The following PAK5 variants were observed in gnomAD, a reference collection of about 807,000 sequenced individuals.
PAK5 encodes serine/threonine-protein kinase PAK 5.
PAK5 carries 16 observed loss-of-function variants against 65.9 expected under a neutral mutation model. The observed-to-expected ratio is 0.24, with a 90% confidence interval of 0.16 to 0.37. PAK5 has a LOEUF of 0.37. Among genes scored for constraint, PAK5 ranks in the 10% least tolerant of loss-of-function variants. The pLI is 1.00. For synonymous variants in PAK5, 371 were observed against 354.9 expected (o/e 1.05, Z -0.51); for missense variants, 785 against 903.9 (o/e 0.87, Z 1.69).
At chr20:9,560,972 G>A (rs1407207269) in intron 6 of PAK5, among the ~76,000 whole-genome samples, 1 of 152,174 alleles carries the variant, frequency 6.6e-6, no homozygotes, top group African/African-American at 2.4e-5. Flanking sequence ...AAGCTCCCAG[G>A]TCCTCAGACA....
intron 1 of PAK5, among the ~76,000 whole-genome samples, chr20:9,808,126 C>A (rs1458524378): frequency 1.3e-5 from 2 of 152,096 alleles, no homozygotes; most frequent in Non-Finnish European, 2.9e-5. Context: ...AATGTATTAG[C>A]ACTTTGTGTG....
rs1328403185 is a variant in PAK5, at chr20:9,542,611, G to C, written c.1979C>G (p.Pro660Arg). ...CTTGTGTAGGTCCTTCACTCTTGGA[G>C]GTAAACTGTCCCGGATCCTCCGCAT... ...QAMRRIRDSLPPRVKDLHKVS... is the reference protein window; with the variant it reads ...QAMRRIRDSLRPRVKDLHKVS... Residue 660 changes from proline (P) to arginine (R), a missense_variant, in exon 9 of 10, where the codon CCT becomes CGT. This residue lies in a region of PAK5 where 110 missense variants were observed against 107.4 expected (regional missense o/e 1.02). Transcript: ENST00000353224. 1 of 1,613,930 alleles carries C rather than the reference G, an allele frequency of 6.2e-7. No individual in the cohort carries two copies. Among genetic ancestry groups the C allele is most frequent in the Non-Finnish European group, 8.5e-7 (1 of 1,179,954 alleles).
intron 1 of PAK5, among the ~76,000 whole-genome samples, chr20:9,725,965 A>G (rs957490382): frequency 3.3e-5 from 5 of 152,166 alleles, no homozygotes; most frequent in Non-Finnish European, 4.4e-5. Flanking sequence ...TTGACATCCT[A>G]GAGGAAAGGC....
intron 1 of PAK5, among the ~76,000 whole-genome samples, chr20:9,767,363 T>G (rs2048780253): frequency 6.6e-6 from 1 of 152,166 alleles, no homozygotes; most frequent in Non-Finnish European, 1.5e-5. Context: ...TCCGCTAAGG[T>G]CCACTCACCT....
intron 1 of PAK5, among the ~76,000 whole-genome samples, chr20:9,781,139 G>A (rs1280443920): frequency 6.6e-6 from 1 of 152,140 alleles, no homozygotes; most frequent in African/African-American, 2.4e-5. Flanking sequence ...TCTTTTTAGA[G>A]TATTAAATCT....
In PAK5 at chr20:9,670,855, A is replaced by G. The variant is rs1056187333; in HGVS notation, c.-11-26516T>C. On this transcript the variant is annotated intron_variant, in intron 2 of 9. Coordinates refer to ENST00000353224, the MANE Select transcript of PAK5 (RefSeq NM_177990.4). ...AGACATGAAGTCCTTGCCCATGCCT[A>G]TGTCCTGAATGGTATTGCCTAGGTT... Among the ~76,000 whole-genome samples, 8 of 152,298 alleles carry G rather than the reference A, an allele frequency of 5.3e-5. No individual in the cohort carries two copies. In the South Asian group the frequency reaches 8.3e-4, roughly 16 times the overall value.
At chr20:9,818,318 C>T (rs916254498) in intron 1 of PAK5, among the ~76,000 whole-genome samples, 201 of 152,310 alleles carry the variant, frequency 1.3e-3, no homozygotes, top group African/African-American at 4.6e-3. Flanking sequence ...TTTCCATCCA[C>T]TCCTACTCTG....
At chr20:9,569,162 A>T (rs772863095) in intron 4 of PAK5, among the ~76,000 whole-genome samples, 24 of 152,198 alleles carry the variant, frequency 1.6e-4, no homozygotes, top group Non-Finnish European at 2.8e-4. Context: ...TTTTTGCTTC[A>T]TGAGGCAGTT....
At chr20:9,638,339 T>C (rs1035865125) in intron 3 of PAK5, among the ~76,000 whole-genome samples, 3 of 152,256 alleles carry the variant, frequency 2.0e-5, no homozygotes, top group Non-Finnish European at 2.9e-5. Flanking sequence ...TCAGGTTATC[T>C]TGGCTAGCCC....
At chr20:9,676,629 T>C (rs2047576070) in intron 2 of PAK5, among the ~76,000 whole-genome samples, 1 of 152,168 alleles carries the variant, frequency 6.6e-6, no homozygotes, top group Non-Finnish European at 1.5e-5. Flanking sequence ...GAATTCTGAA[T>C]TGTGTTTTCT....
At chr20:9,605,648 G>T (rs1384474611) in intron 3 of PAK5, among the ~76,000 whole-genome samples, 1 of 152,182 alleles carries the variant, frequency 6.6e-6, no homozygotes, top group Non-Finnish European at 1.5e-5. Context: ...GAAGAGAATT[G>T]CCAGGCAAGG....
intron 1 of PAK5, among the ~76,000 whole-genome samples, chr20:9,797,926 G>T (rs2049124194): frequency 6.6e-6 from 1 of 152,070 alleles, no homozygotes; most frequent in South Asian, 2.1e-4. Context: ...AGAGAGAGAT[G>T]AATAAGACTA....
intron 3 of PAK5, among the ~76,000 whole-genome samples, chr20:9,611,406 TGA>T (rs2046557539): frequency 6.6e-6 from 1 of 152,074 alleles, no homozygotes; most frequent in East Asian, 1.9e-4. Flanking sequence ...GAGATGGTAC[TGA>T]GAGAGTCTAC....
intron 3 of PAK5, among the ~76,000 whole-genome samples, chr20:9,601,613 C>T (rs1460593139): frequency 6.6e-6 from 1 of 152,184 alleles, no homozygotes. Context: ...ATATATCTCA[C>T]CGTCTGCATG....
chr20:9,543,436 T>A (rs2045297623), intron 8 of PAK5, among the ~76,000 whole-genome samples: 2 of 152,126 alleles, frequency 1.3e-5, no homozygotes, highest in South Asian at 4.2e-4. Flanking sequence ...ATACCTCTTA[T>A]CTGATGAACG....
chr20:9,543,674 C>A (rs930881895), intron 8 of PAK5, among the ~76,000 whole-genome samples: 1 of 152,138 alleles, frequency 6.6e-6, no homozygotes, highest in Non-Finnish European at 1.5e-5. Flanking sequence ...TATGCCTAGC[C>A]GAAACATACC....
intron 3 of PAK5, among the ~76,000 whole-genome samples, chr20:9,596,299 A>G (rs996845711): frequency 6.6e-6 from 1 of 152,168 alleles, no homozygotes; most frequent in Admixed American, 6.5e-5. Flanking sequence ...CTGCACAGAC[A>G]GAAAACTATA....
At chr20:9,543,155 T>C (rs917082561) in intron 8 of PAK5, among the ~76,000 whole-genome samples, 1 of 152,210 alleles carries the variant, frequency 6.6e-6, no homozygotes, top group East Asian at 1.9e-4. Context: ...CAGAATATAT[T>C]CTGATTCTTT....
intron 1 of PAK5, among the ~76,000 whole-genome samples, chr20:9,745,470 A>C (rs2048496145): frequency 6.6e-6 from 1 of 152,140 alleles, no homozygotes; most frequent in Admixed American, 6.5e-5. Flanking sequence ...CTATTAAATT[A>C]AGCAAATAAT....
Sources: gnomAD v4.1 joint callset for allele counts (sites outside exome capture counted in the v4.1 genomes callset) on GRCh38, gnomAD v4.1.1 for gene constraint, gnomAD v4.1.1 regional missense constraint, MANE v1.5 for transcripts, NCBI Gene and HGNC (gene_info 2026-07-23, HGNC 2026-07-21) for gene names.